NEGR1: variants seen among roughly 807,000 people sequenced by gnomAD.
NEGR1 encodes the protein IgLON family member 4.
NEGR1 carries 10 observed loss-of-function variants against 40.9 expected under a neutral mutation model. The ratio of observed to expected loss-of-function variants is 0.24; its 90% CI spans 0.15 to 0.42. The LOEUF (loss-of-function observed/expected upper bound fraction) is 0.42, where lower values mean the gene tolerates loss of function less well. NEGR1 is among the 10% of genes least tolerant of loss of function. The pLI, the probability that NEGR1 is intolerant of heterozygous loss-of-function variation, is 1.00. For synonymous variants in NEGR1, 185 were observed against 166.8 expected (o/e 1.11, Z -0.84); for missense variants, 352 against 438.9 (o/e 0.80, Z 1.77).
intron 2 of NEGR1, among the ~76,000 whole-genome samples, chr1:71,869,771 T>C (rs1434144582): frequency 1.3e-5 from 2 of 152,188 alleles, no homozygotes; most frequent in Non-Finnish European, 2.9e-5. Context: ...TTTTTCACTT[T>C]CACTTAATAC....
chr1:71,924,564 G>T (rs1255370302), intron 2 of NEGR1, among the ~76,000 whole-genome samples: 1 of 152,102 alleles, frequency 6.6e-6, no homozygotes, highest in Non-Finnish European at 1.5e-5. Flanking sequence ...AAACCTAAAA[G>T]AATGAGCAAA....
chr1:71,848,275 C>A (rs543060268), intron 2 of NEGR1, among the ~76,000 whole-genome samples: 1 of 152,142 alleles, frequency 6.6e-6, no homozygotes, highest in South Asian at 2.1e-4. Context: ...TAAATAACAT[C>A]GTTGATGGAG....
At position 71,757,555 on chromosome 1, in the gene NEGR1, T is replaced by C. The variant is rs375037609; in HGVS notation, c.535+18617A>G. Reference sequence around the variant, plus strand: ...TGTGTGAAAGACTCTTTTCTTTTGTTCTTAATTTTGACAGATTTTTTTTCT... The same window carrying C: ...TGTGTGAAAGACTCTTTTCTTTTGTCCTTAATTTTGACAGATTTTTTTTCT... On this transcript the variant is annotated intron_variant, in intron 3 of 6. Transcript: ENST00000357731. 1.2e-4 allele frequency among the ~76,000 whole-genome samples: 19 copies of C among 152,208 alleles called. No individual in the cohort carries two copies. In the East Asian group the frequency reaches 2.1e-3, roughly 17 times the overall value.
At chr1:71,871,986 C>G (rs1660292094) in intron 2 of NEGR1, among the ~76,000 whole-genome samples, 1 of 152,270 alleles carries the variant, frequency 6.6e-6, no homozygotes, top group Non-Finnish European at 1.5e-5. Flanking sequence ...ATACTTTCAG[C>G]AGACCAACCT....
chr1:71,595,499 T>C (rs1009631020), intron 5 of NEGR1, among the ~76,000 whole-genome samples: 4 of 152,212 alleles, frequency 2.6e-5, no homozygotes, highest in Non-Finnish European at 5.9e-5. Context: ...TGATATGGTG[T>C]ATATGTCTAG....
At chr1:72,109,211 A>C (rs1351576079) in intron 1 of NEGR1, among the ~76,000 whole-genome samples, 2 of 151,834 alleles carry the variant, frequency 1.3e-5, no homozygotes, top group East Asian at 3.9e-4. Context: ...AAACTTTAAA[A>C]CTGTGTTAAA....
chr1:71,964,875 A>G (rs138637145), intron 1 of NEGR1, among the ~76,000 whole-genome samples: 2 of 152,088 alleles, frequency 1.3e-5, no homozygotes, highest in African/African-American at 4.8e-5. Context: ...GGGTTTGGGA[A>G]AGAGGATTTC....
At chr1:71,562,881 G>A (rs1012145851) in intron 6 of NEGR1, among the ~76,000 whole-genome samples, 1 of 151,866 alleles carries the variant, frequency 6.6e-6, no homozygotes, top group Admixed American at 6.6e-5. Flanking sequence ...CACTTACCTG[G>A]CTCATATTCT....
chr1:72,275,935 A>C (rs1656035374), intron 1 of NEGR1, among the ~76,000 whole-genome samples: 3 of 151,994 alleles, frequency 2.0e-5, no homozygotes, highest in Admixed American at 2.0e-4. Context: ...CATCTCTAAA[A>C]ATAAAAATAA....
chr1:71,495,590 A>G (rs1490610475), intron 6 of NEGR1, among the ~76,000 whole-genome samples: 1 of 152,196 alleles, frequency 6.6e-6, no homozygotes, highest in Non-Finnish European at 1.5e-5. Flanking sequence ...TGTATACTGA[A>G]TATCACAAAA....
intron 2 of NEGR1, among the ~76,000 whole-genome samples, chr1:71,901,832 G>A (rs1011061867): frequency 4.0e-5 from 6 of 151,660 alleles, no homozygotes; most frequent in Admixed American, 6.6e-5. Flanking sequence ...CATCATACCC[G>A]GCTAATTTTT....
intron 6 of NEGR1, among the ~76,000 whole-genome samples, chr1:71,476,077 C>T (rs1646817867): frequency 6.6e-6 from 1 of 151,990 alleles, no homozygotes; most frequent in African/African-American, 2.4e-5. Flanking sequence ...CTTCCTTCTA[C>T]ATTTTTCTTT....
At chr1:71,584,578 G>A (rs1649240900) in intron 6 of NEGR1, among the ~76,000 whole-genome samples, 1 of 152,148 alleles carries the variant, frequency 6.6e-6, no homozygotes, top group African/African-American at 2.4e-5. Context: ...CAGAAGCGAA[G>A]ATGATACAGT....
intron 1 of NEGR1, among the ~76,000 whole-genome samples, chr1:72,265,737 T>C (rs1655616551): frequency 6.6e-6 from 1 of 150,974 alleles, no homozygotes; most frequent in African/African-American, 2.4e-5. Context: ...AGCTTCCTAT[T>C]TTTATAAATT....
At chr1:71,431,161 T>G (rs1463356138) in intron 6 of NEGR1, among the ~76,000 whole-genome samples, 1 of 151,942 alleles carries the variant, frequency 6.6e-6, no homozygotes, top group Non-Finnish European at 1.5e-5. Flanking sequence ...TTCCCTGGCA[T>G]TGTTTAGATG....
At chr1:71,589,377 T>C (rs1649422389) in intron 6 of NEGR1, among the ~76,000 whole-genome samples, 1 of 152,126 alleles carries the variant, frequency 6.6e-6, no homozygotes, top group Non-Finnish European at 1.5e-5. Context: ...TCACTCTACA[T>C]GGCTTCTATG....
At chr1:72,114,082 G>A (rs1649489051) in intron 1 of NEGR1, among the ~76,000 whole-genome samples, 1 of 151,794 alleles carries the variant, frequency 6.6e-6, no homozygotes. Context: ...TATTGAGTGT[G>A]ATGGTTAATT....
Position 71,637,644 on chromosome 1 carries a change from T to G in NEGR1, c.668-26498A>C, listed in dbSNP as rs551459297. On this transcript the variant is annotated intron_variant, in intron 4 of 6. Coordinates refer to ENST00000357731, the MANE Select transcript of NEGR1 (RefSeq NM_173808.3). ...TAGAATAGGGAAGCAGTCGCATTGA[T>G]GTCACCATGGTTAATCAATATATAC... Among the ~76,000 whole-genome samples the G allele has an allele frequency of 9.2e-5, 14 of 152,084 alleles. No individual in the cohort carries two copies. In the East Asian group the frequency reaches 2.1e-3, roughly 23 times the overall value.
intron 5 of NEGR1, among the ~76,000 whole-genome samples, chr1:71,593,710 T>C (rs1369561166): frequency 6.6e-6 from 1 of 152,210 alleles, no homozygotes; most frequent in African/African-American, 2.4e-5. Flanking sequence ...TAGGCTGACA[T>C]GGCTTCACCA....
Sources: gnomAD v4.1 joint callset for allele counts (sites outside exome capture counted in the v4.1 genomes callset) on GRCh38, gnomAD v4.1.1 for gene constraint, MANE v1.5 for transcripts, NCBI Gene and HGNC (gene_info 2026-07-23, HGNC 2026-07-21) for gene names.